Variants in PCYT1A observed in about 807,000 individuals in gnomAD.
PCYT1A encodes phosphate cytidylyltransferase 1A, choline.
In PCYT1A, 25 loss-of-function variants were observed where a neutral mutation model predicts 43.7. The observed-to-expected ratio is 0.57, with a 90% confidence interval of 0.42 to 0.80. The LOEUF (loss-of-function observed/expected upper bound fraction) is 0.80, where lower values mean the gene tolerates loss of function less well. PCYT1A is among the 30% of genes least tolerant of loss of function. The pLI is 0.00. For synonymous variants in PCYT1A, 172 were observed against 170.7 expected, an observed-to-expected ratio of 1.01 and a Z score of -0.06; for missense variants, 421 against 474.2, an observed-to-expected ratio of 0.89 and a Z score of 1.04.
At chr3:196,267,283 A>G (rs1336068337) in intron 2 of PCYT1A, 2 of 456,444 alleles carry the variant, frequency 4.4e-6, no homozygotes, top group Non-Finnish European at 4.4e-6. Context: ...CACATACCGT[A>G]TGATGTCATT....
intron 8 of PCYT1A, 33 bp from the exon 9 acceptor site, chr3:196,238,927 A>G: frequency 7.7e-7 from 1 of 1,295,976 alleles, no homozygotes; most frequent in Non-Finnish European, 1.0e-6. Flanking sequence ...TCAGAAAAAC[A>G]CCGTGGATCC....
chr3:196,258,559 G>A (rs1725013946), intron 2 of PCYT1A, among the ~76,000 whole-genome samples: 1 of 150,718 alleles, frequency 6.6e-6, no homozygotes, highest in Admixed American at 6.6e-5. Flanking sequence ...TGTCATCTGT[G>A]AATATAGTTT....
At chr3:196,280,160 T>C (rs1419900991) in intron 1 of PCYT1A, among the ~76,000 whole-genome samples, 1 of 152,146 alleles carries the variant, frequency 6.6e-6, no homozygotes, top group African/African-American at 2.4e-5. Flanking sequence ...AACTTCCTTA[T>C]TGCAAACAGA....
intron 3 of PCYT1A, among the ~76,000 whole-genome samples, chr3:196,249,223 G>A (rs572536331): frequency 2.6e-5 from 4 of 151,516 alleles, no homozygotes; most frequent in African/African-American, 4.9e-5. Flanking sequence ...CACAGCTCAC[G>A]GCAGCCTTGA....
chr3:196,280,880 C>T (rs773326047), intron 1 of PCYT1A, among the ~76,000 whole-genome samples: 2 of 152,074 alleles, frequency 1.3e-5, no homozygotes, highest in East Asian at 1.9e-4. Flanking sequence ...ACTGAAACCA[C>T]GGAAAGTAAA....
chr3:196,268,558 G>A lies in PCYT1A; in HGVS notation c.117+1857C>T, dbSNP rs1725342529. Among the ~76,000 whole-genome samples the A allele has an allele frequency of 6.6e-6, 1 of 152,130 alleles. No homozygotes were observed. The highest frequency in any genetic ancestry group is 2.4e-5 in the African/African-American group (1 of 41,426). ...CTAGCACTCTGGGAGGCCGAGATAG[G>A]AAGACTACTTGAGCTCAGGAGTTCA... On this transcript the variant is annotated intron_variant, in intron 2 of 8. Transcript: ENST00000431016. This position sits in a 1 kb window ranked among gnomAD's most constrained non-coding sequence, Gnocchi z 4.4.
At position 196,242,677 on chromosome 3, in the gene PCYT1A, C is replaced by T. The variant is rs1217818384; in HGVS notation, c.487-37G>A. The T allele has an allele frequency of 7.2e-7, 1 of 1,379,778 alleles. No individual in the cohort carries two copies. The highest frequency in any genetic ancestry group is 1.2e-5 in the South Asian group (1 of 86,470). 85.5% of individuals were successfully genotyped at this position (1,379,778 alleles called of 1,614,324 possible). On this transcript the variant is annotated intron_variant, in intron 5 of 8. Transcript: ENST00000431016. The surrounding 1 kb of genome is among the most constrained non-coding windows in gnomAD (Gnocchi z 4.2). Reference sequence around the variant, plus strand: ...GAAACATCATTAAAACCCATGATAACTGCCATTCAGAAAGACCCAGTCAAT... The same window carrying T: ...GAAACATCATTAAAACCCATGATAATTGCCATTCAGAAAGACCCAGTCAAT...
Position 196,241,933 on chromosome 3 carries a change from A to C in PCYT1A, c.708+15T>G, listed in dbSNP as rs1388965454. The C allele has an allele frequency of 5.0e-6, 8 of 1,614,076 alleles. No individual in the cohort carries two copies. The South Asian group carries it at 8.8e-5, about 18-fold the overall frequency. ...CTACAGAGTCAGGGAACTCTGGGGT[A>C]AGGCTGGAACTCACGTTGATAAAGC... On this transcript the variant is annotated intron_variant, in intron 7 of 8. Transcript: ENST00000431016.
rs1197742088 is a variant in PCYT1A at position 196,237,893 on chromosome 3, G to A, written c.*795C>T. 4 of 152,174 alleles carry A rather than the reference G, an allele frequency of 2.6e-5. No individual in the cohort carries two copies. The highest frequency in any genetic ancestry group is 4.4e-5 in the Non-Finnish European group (3 of 68,046). 9.4% of individuals were successfully genotyped at this position (152,174 alleles called of 1,614,324 possible). Reference sequence around the variant, plus strand: ...TCTAAAAGTGTTCCTTCCTTCGAAGGTAGATGGCACGAAAGAGACTGACAA... The same window carrying A: ...TCTAAAAGTGTTCCTTCCTTCGAAGATAGATGGCACGAAAGAGACTGACAA... On this transcript the variant is annotated 3_prime_UTR_variant, in exon 9 of 9. Transcript: ENST00000431016.
At chr3:196,249,049 C>G (rs993361538) in intron 3 of PCYT1A, among the ~76,000 whole-genome samples, 5 of 152,218 alleles carry the variant, frequency 3.3e-5, no homozygotes, top group African/African-American at 1.2e-4. Context: ...TGTGAGCAAC[C>G]GCGCCCGGCC....
chr3:196,274,074 C>A (rs757920346), intron 1 of PCYT1A, among the ~76,000 whole-genome samples: 3 of 152,270 alleles, frequency 2.0e-5, no homozygotes, highest in Non-Finnish European at 4.4e-5. Flanking sequence ...GTCAGCACTG[C>A]CCCTAGCACA....
chr3:196,267,308 G>A (rs751816635), intron 2 of PCYT1A: 4 of 456,524 alleles, frequency 8.8e-6, no homozygotes, highest in South Asian at 6.2e-5. Context: ...TGAATGTCCA[G>A]AACAGGCAAA....
chr3:196,262,986 G>A (rs1218858736), intron 2 of PCYT1A, among the ~76,000 whole-genome samples: 2 of 151,856 alleles, frequency 1.3e-5, no homozygotes, highest in Non-Finnish European at 2.9e-5. Flanking sequence ...GTAGAGACAG[G>A]GTTTCGCGAT....
chr3:196,280,685 G>C (rs1725746799), intron 1 of PCYT1A, among the ~76,000 whole-genome samples: 1 of 146,896 alleles, frequency 6.8e-6, no homozygotes, highest in Non-Finnish European at 1.5e-5. Flanking sequence ...TATATACACA[G>C]AGCTATGATA....
Position 196,238,750 on chromosome 3 carries a change from G to C in PCYT1A, c.1042C>G (p.Pro348Ala), listed in dbSNP as rs369326424. 2.4e-5 allele frequency: 38 copies of C among 1,592,178 alleles called. No homozygotes were observed. The Admixed American group carries it at 5.3e-4, about 22-fold the overall frequency. The change falls in exon 9 of 9, where the codon CCA (proline) becomes GCA (alanine). Residue 348 changes from proline (P) to alanine (A), a missense_variant. Pro to Ala is a conservative substitution (Grantham distance 27, BLOSUM62 -1). This residue lies in a region of PCYT1A where 108 missense variants were observed against 85.7 expected (regional missense o/e 1.26). Coordinates refer to ENST00000431016, the MANE Select transcript of PCYT1A (RefSeq NM_001312673.2). Reference protein sequence around the residue: ...FSGKTSPPCSPANLSRHKAAA... With the variant: ...FSGKTSPPCSAANLSRHKAAA... ...GCCTTGTGCCTGGAGAGATTTGCTG[G>C]GGAGCAAGGTGGGGAAGTCTTGCCG...
At chr3:196,263,892 A>T (rs1725193088) in intron 2 of PCYT1A, among the ~76,000 whole-genome samples, 1 of 152,130 alleles carries the variant, frequency 6.6e-6, no homozygotes, top group African/African-American at 2.4e-5. Context: ...TCGGCCTCCC[A>T]AAGTGTTGGG....
chr3:196,242,164 G>T lies in PCYT1A; in HGVS notation c.566-74C>A. 1 of 1,440,094 alleles carries T rather than the reference G, an allele frequency of 6.9e-7. No homozygotes were observed. 89.2% of individuals were successfully genotyped at this position (1,440,094 alleles called of 1,614,324 possible). On this transcript the variant is annotated intron_variant, in intron 6 of 8. Coordinates refer to ENST00000431016, the MANE Select transcript of PCYT1A (RefSeq NM_001312673.2). The surrounding 1 kb of genome is among the most constrained non-coding windows in gnomAD (Gnocchi z 4.2). Reference sequence around the variant, plus strand: ...CAGGTATTAAGACTAAATGGAAATTGGGGGCAACATTCCTTTCCTTTCCTC... The same window carrying T: ...CAGGTATTAAGACTAAATGGAAATTTGGGGCAACATTCCTTTCCTTTCCTC...
chr3:196,276,765 G>T (rs1462202152), intron 1 of PCYT1A, among the ~76,000 whole-genome samples: 1 of 152,114 alleles, frequency 6.6e-6, no homozygotes, highest in African/African-American at 2.4e-5. Context: ...CTGAGGAATA[G>T]GATATTTGCA....
In PCYT1A at chr3:196,238,780, A is replaced by AG. The variant is rs1323417474; in HGVS notation, c.1011dup (p.Phe338LeufsTer23). The AG allele has an allele frequency of 1.9e-6, 3 of 1,588,876 alleles. No individual in the cohort carries two copies. The highest frequency in any genetic ancestry group is 2.6e-6 in the Non-Finnish European group (3 of 1,168,586). ...CAAGGTGGGGAAGTCTTGCCGGAGA[A>AG]GGGCCATCGGAAAGAGGGGGAGGGG... On this transcript the variant is annotated frameshift_variant, in exon 9 of 9. Coordinates refer to ENST00000431016, the MANE Select transcript of PCYT1A (RefSeq NM_001312673.2). LOFTEE classifies it high-confidence loss of function.
Sources: allele counts gnomAD v4.1 joint callset (sites outside exome capture counted in the v4.1 genomes callset), GRCh38; gene constraint gnomAD v4.1.1; regional missense constraint gnomAD v4.1.1; non-coding constraint Gnocchi (gnomAD v3.1); transcripts MANE v1.5; gene names NCBI Gene and HGNC (gene_info 2026-07-23, HGNC 2026-07-21).